SGCD: variants seen among roughly 807,000 people sequenced by gnomAD.
SGCD encodes the protein sarcoglycan delta, also known as delta-sarcoglycan.
Under a neutral mutation model 36.6 loss-of-function variants are expected in SGCD, and 18 were observed. The observed-to-expected ratio is 0.49, with a 90% CI of 0.34 to 0.73. The LOEUF is 0.73. Among genes scored for constraint, SGCD ranks in the 30% least tolerant of loss-of-function variants. The pLI is 0.01. For synonymous variants in SGCD, 133 were observed against 130.6 expected, an observed-to-expected ratio of 1.02 and a Z score of -0.12; for missense variants, 387 against 346.7, an observed-to-expected ratio of 1.12 and a Z score of -0.92.
intron 4 of SGCD, among the ~76,000 whole-genome samples, chr5:156,579,455 C>G (rs1483086241): frequency 2.0e-5 from 3 of 152,102 alleles, no homozygotes; most frequent in African/African-American, 7.2e-5. Context: ...GAGTTCAAGT[C>G]CTGGATATCA....
chr5:156,085,623 A>T (rs1157212516), intron 1 of SGCD, among the ~76,000 whole-genome samples: 2 of 152,198 alleles, frequency 1.3e-5, no homozygotes, highest in Non-Finnish European at 2.9e-5. Flanking sequence ...GCAAGAATAG[A>T]CTAATACATG....
At chr5:156,326,683 G>A (rs1266846448), upstream of SGCD, 3 of 152,380 alleles carry the variant, frequency 2.0e-5, no homozygotes, top group Non-Finnish European at 4.4e-5. Flanking sequence ...CAAGAGCTCA[G>A]GGGGCTGACA....
intron 1 of SGCD, among the ~76,000 whole-genome samples, chr5:156,054,372 G>A (rs1045122219): frequency 5.9e-5 from 8 of 135,712 alleles, no homozygotes; most frequent in Non-Finnish European, 1.3e-4. Flanking sequence ...GGCAAGCTCC[G>A]CCTCCCGGGT....
At chr5:156,396,703 A>C (rs1771869336) in intron 3 of SGCD, among the ~76,000 whole-genome samples, 2 of 152,216 alleles carry the variant, frequency 1.3e-5, no homozygotes, top group Non-Finnish European at 2.9e-5. Context: ...CAGAAAAAAG[A>C]GTGTGTTCTC....
chr5:156,089,431 C>T (rs1169800724), intron 1 of SGCD, among the ~76,000 whole-genome samples: 1 of 152,208 alleles, frequency 6.6e-6, no homozygotes, highest in Non-Finnish European at 1.5e-5. Context: ...TTCTGGATAA[C>T]TTCTGAAATA....
chr5:156,339,480 G>T (rs1249478131), intron 2 of SGCD, among the ~76,000 whole-genome samples: 2 of 152,100 alleles, frequency 1.3e-5, no homozygotes, highest in African/African-American at 4.8e-5. Flanking sequence ...GTTTAACGTT[G>T]GCTTGATTTT....
chr5:156,309,510 T>C, intron 3 of SGCD, among the ~76,000 whole-genome samples: 1 of 152,062 alleles, frequency 6.6e-6, no homozygotes, highest in East Asian at 1.9e-4. Context: ...TTTGGCTTCT[T>C]TTTAAGTTTT....
chr5:156,321,068 A>C (rs2127696349), intron 3 of SGCD, among the ~76,000 whole-genome samples: 1 of 152,342 alleles, frequency 6.6e-6, no homozygotes, highest in East Asian at 1.9e-4. Flanking sequence ...TACGGTTTCT[A>C]TCCTTTGCCT....
chr5:156,201,568 ACAT>A (rs568756245), intron 3 of SGCD, among the ~76,000 whole-genome samples: 106 of 152,300 alleles, frequency 7.0e-4, no homozygotes, highest in African/African-American at 2.5e-3. Context: ...AAATTTGCCA[ACAT>A]CATAGGACCA....
chr5:156,357,153 G>A (rs1769534742), intron 3 of SGCD, among the ~76,000 whole-genome samples: 1 of 152,196 alleles, frequency 6.6e-6, no homozygotes, highest in Non-Finnish European at 1.5e-5. Flanking sequence ...TATTAAGCGT[G>A]CAGTCACCAC....
At chr5:156,432,493 C>G (rs1338928532) in intron 3 of SGCD, among the ~76,000 whole-genome samples, 4 of 152,130 alleles carry the variant, frequency 2.6e-5, no homozygotes, top group African/African-American at 7.2e-5. Flanking sequence ...ATTCTGGTTT[C>G]TCAGGCATTG....
chr5:156,372,085 T>C (rs1340562407), intron 3 of SGCD, among the ~76,000 whole-genome samples: 1 of 152,174 alleles, frequency 6.6e-6, no homozygotes, highest in Non-Finnish European at 1.5e-5. Flanking sequence ...TCAAGACAAT[T>C]GAGGCAATGT....
chr5:156,231,667 G>T (rs1418633168), intron 3 of SGCD, among the ~76,000 whole-genome samples: 1 of 152,188 alleles, frequency 6.6e-6, no homozygotes, highest in Non-Finnish European at 1.5e-5. Flanking sequence ...TTTGGACTAA[G>T]AATTAGAAAG....
the SGCD span, among the ~76,000 whole-genome samples, chr5:155,847,014 G>A: frequency 2.0e-5 from 3 of 152,078 alleles, no homozygotes; most frequent in Non-Finnish European, 2.9e-5. Context: ...TATGATTATC[G>A]AGATGTGGAA....
chr5:156,620,140 G>T (rs1408609315), intron 6 of SGCD, among the ~76,000 whole-genome samples: 2 of 152,166 alleles, frequency 1.3e-5, no homozygotes, highest in Non-Finnish European at 2.9e-5. Context: ...GTACAACACT[G>T]GGTAAGTTTA....
chr5:155,946,862 A>G (rs1284966290), intron 1 of SGCD, among the ~76,000 whole-genome samples: 2 of 152,210 alleles, frequency 1.3e-5, no homozygotes, highest in Admixed American at 6.5e-5. Flanking sequence ...ATGGCACATT[A>G]TAACAATGAT....
At chr5:156,085,687 G>A (rs1761074376) in intron 1 of SGCD, among the ~76,000 whole-genome samples, 1 of 152,194 alleles carries the variant, frequency 6.6e-6, no homozygotes, top group East Asian at 1.9e-4. Context: ...GAAAGATATT[G>A]TGTAAAATTA....
At chr5:156,725,652 G>A (rs1755737279) in intron 7 of SGCD, among the ~76,000 whole-genome samples, 1 of 152,112 alleles carries the variant, frequency 6.6e-6, no homozygotes, top group African/African-American at 2.4e-5. Flanking sequence ...ACAGAGATTG[G>A]CCAATTCCAC....
intron 1 of SGCD, among the ~76,000 whole-genome samples, chr5:156,025,515 G>A (rs930787261): frequency 2.6e-5 from 4 of 152,066 alleles, no homozygotes; most frequent in Admixed American, 6.5e-5. Context: ...CTTCAAGATG[G>A]GTCCATCCTT....
Sources: allele counts gnomAD v4.1 joint callset (sites outside exome capture counted in the v4.1 genomes callset), GRCh38; gene constraint gnomAD v4.1.1; transcripts MANE v1.5; gene names NCBI Gene and HGNC (gene_info 2026-07-23, HGNC 2026-07-21).